Variants in NUP93 observed in about 807,000 individuals in gnomAD.
The protein encoded by NUP93 is nucleoporin 93.
Under a neutral mutation model 107.8 loss-of-function variants are expected in NUP93, and 55 were observed. The ratio of observed to expected loss-of-function variants is 0.51; its 90% CI spans 0.41 to 0.64. NUP93 has a LOEUF of 0.64. NUP93 is among the 30% of genes least tolerant of loss of function. The probability of loss-of-function intolerance (pLI) is 0.00; values close to 1 mark genes in which losing one functional copy is unlikely to be tolerated. For synonymous variants in NUP93, 390 were observed against 397.5 expected (o/e 0.98, Z 0.22); for missense variants, 937 against 1,044.7 (o/e 0.90, Z 1.42).
At position 56,833,263 on chromosome 16, in the gene NUP93, T is replaced by C; in HGVS notation, c.1394T>C (p.Val465Ala). ...CAGCAACCCTTCCTCTACTTCCAAG[T>C]CCTGTTCCTGACAGCGCAGTTTGAA... is the stretch of plus-strand genomic sequence containing the variant. Reference protein sequence around the residue: ...VNQQPFLYFQVLFLTAQFEAA... With the variant: ...VNQQPFLYFQALFLTAQFEAA... The change falls in exon 13 of 22, where the codon GTC becomes GCC. Residue 465 changes from valine (V) to alanine (A), a missense_variant. By Grantham distance (64) the Val-to-Ala change is moderately conservative. Transcript: ENST00000308159. 1 of 1,607,068 alleles carries C rather than the reference T, an allele frequency of 6.2e-7. No homozygotes were observed. The highest frequency in any genetic ancestry group is 2.3e-5 in the East Asian group (1 of 44,414).
rs888648922 is a variant in NUP93 at position 56,850,259 on chromosome 16, C to G, written c.*5650C>G. The G allele has an allele frequency of 1.3e-5, 2 of 152,278 alleles. No homozygotes were observed. The highest frequency in any genetic ancestry group is 4.8e-5 in the African/African-American group (2 of 41,454). The allele number at this position is 152,278 out of a possible 1,614,324, so 9.4% of individuals were successfully genotyped here. A position where few individuals can be genotyped will look rare whatever the true frequency, so the allele number is the denominator to read the frequency against. On this transcript the variant is annotated 3_prime_UTR_variant, in exon 22 of 22. Coordinates refer to ENST00000308159, the MANE Select transcript of NUP93 (RefSeq NM_014669.5). The stretch of plus-strand genomic sequence containing the variant: ...ATGGTTCCTTCACCACTATCCCTGT[C>G]TGTAGCCAGTAAATTTCTGGAATAT...
intron 3 of NUP93, among the ~76,000 whole-genome samples, chr16:56,788,134 C>G (rs764589738): frequency 1.9e-4 from 29 of 152,188 alleles, no homozygotes; most frequent in Non-Finnish European, 3.4e-4. Flanking sequence ...CTGGGGTTAC[C>G]TCAGCAGTCT....
At chr16:56,810,557 A>G (rs1963290682) in intron 5 of NUP93, among the ~76,000 whole-genome samples, 1 of 152,158 alleles carries the variant, frequency 6.6e-6, no homozygotes, top group Non-Finnish European at 1.5e-5. Flanking sequence ...GCTTGTGCCC[A>G]GAAGGTTGGG....
intron 12 of NUP93, 85 bp downstream of exon 12, chr16:56,832,473 C>T: frequency 9.7e-7 from 1 of 1,034,914 alleles, no homozygotes; most frequent in South Asian, 1.3e-5. Flanking sequence ...AATTTTTCAT[C>T]TCTGAACTTT....
At chr16:56,768,684 G>A (rs1228668785) in intron 3 of NUP93, among the ~76,000 whole-genome samples, 24 of 151,022 alleles carry the variant, frequency 1.6e-4, no homozygotes, top group Non-Finnish European at 3.1e-4. Context: ...GGCTAACACG[G>A]TGAAACCCTG....
intron 3 of NUP93, among the ~76,000 whole-genome samples, chr16:56,773,228 C>G (rs917265409): frequency 1.3e-5 from 2 of 152,204 alleles, no homozygotes; most frequent in Non-Finnish European, 2.9e-5. Flanking sequence ...GAAAAGAAGA[C>G]ATTTGGTTGC....
rs762996236 is a variant in NUP93 at position 56,837,716 on chromosome 16, A to G, written c.2008A>G (p.Ile670Val). ...KERLKNMALS[I>V]AERYRAQGIS... ...GAGGCTGAAGAACATGGCACTCTCC[A>G]TTGCCGAACGGTAAGCCAGGAGCTG... The change falls in exon 18 of 22, where the codon ATT becomes GTT. Residue 670 changes from isoleucine (I) to valine (V), a missense_variant. Ile to Val is a conservative substitution (Grantham distance 29). Coordinates refer to ENST00000308159, the MANE Select transcript of NUP93 (RefSeq NM_014669.5). The G allele has an allele frequency of 2.5e-6, 4 of 1,613,374 alleles. No individual in the cohort carries two copies. The highest frequency in any genetic ancestry group is 2.2e-5 in the South Asian group (2 of 91,032).
chr16:56,837,300 C>T (rs1246434070), intron 17 of NUP93, among the ~76,000 whole-genome samples: 1 of 152,222 alleles, frequency 6.6e-6, no homozygotes, highest in Non-Finnish European at 1.5e-5. Flanking sequence ...CAGGGGCTCA[C>T]GCCTGTAATC....
intron 8 of NUP93, among the ~76,000 whole-genome samples, chr16:56,826,139 A>G (rs960566829): frequency 3.3e-5 from 5 of 152,214 alleles, no homozygotes; most frequent in Admixed American, 6.5e-5. Context: ...TCTTAATTCA[A>G]ATTGGAAGAG....
chr16:56,823,039 A>T (rs1963580969), intron 7 of NUP93, among the ~76,000 whole-genome samples: 1 of 152,200 alleles, frequency 6.6e-6, no homozygotes, highest in Admixed American at 6.5e-5. Flanking sequence ...GGTTCAGGGA[A>T]CACGTTGTTT....
intron 4 of NUP93, among the ~76,000 whole-genome samples, chr16:56,800,137 C>T (rs1309586804): frequency 2.6e-5 from 4 of 152,126 alleles, no homozygotes; most frequent in Non-Finnish European, 5.9e-5. Context: ...GAGCTGAGAT[C>T]GTGCCACTGC....
intron 10 of NUP93, 98 bp downstream of exon 10, chr16:56,830,783 C>A: frequency 8.7e-7 from 1 of 1,153,690 alleles, no homozygotes; most frequent in Non-Finnish European, 1.2e-6. Flanking sequence ...GGGCCCAAAA[C>A]AAGTTTCTGC....
At chr16:56,824,221 C>G (rs1963610732) in intron 8 of NUP93, among the ~76,000 whole-genome samples, 1 of 152,158 alleles carries the variant, frequency 6.6e-6, no homozygotes, top group Admixed American at 6.5e-5. Context: ...ATTTTACTCC[C>G]AGGCATGTTA....
Position 56,831,948 on chromosome 16 carries a change from G to C in NUP93, c.1192G>C (p.Asp398His). ...RAVYCIIGRC[D>H]VTDNQSEVAD... is the part of the protein sequence containing the mutation. Reference sequence around the variant, plus strand: ...CGTGTACTGTATCATTGGCAGATGTGACGTCACCGACAACCAGAGTGAAGT... The same window carrying C: ...CGTGTACTGTATCATTGGCAGATGTCACGTCACCGACAACCAGAGTGAAGT... The change falls in exon 11 of 22, where the codon GAC (aspartate) becomes CAC (histidine). Residue 398 changes from aspartate to histidine, a missense_variant. Physicochemically the swap from Asp to His is moderately conservative, Grantham distance 81. Coordinates refer to ENST00000308159, the MANE Select transcript of NUP93 (RefSeq NM_014669.5). 1 of 1,614,136 alleles carries C rather than the reference G, an allele frequency of 6.2e-7. No individual in the cohort carries two copies. The highest frequency in any genetic ancestry group is 8.5e-7 in the Non-Finnish European group (1 of 1,180,022).
At position 56,848,300 on chromosome 16, in the gene NUP93, C is replaced by G. The variant is rs1964138510; in HGVS notation, c.*3691C>G. On this transcript the variant is annotated 3_prime_UTR_variant, in exon 22 of 22. Transcript: ENST00000308159. ...CACTGACTGCGAACTCTCCCTTAGC[C>G]TCAGTCAGCTGGGAAAGGAATTGAG... is the stretch of plus-strand genomic sequence containing the variant. 1.3e-5 allele frequency: 2 copies of G among 152,218 alleles called. No homozygotes were observed. 9.4% of individuals were successfully genotyped at this position (152,218 alleles called of 1,614,324 possible).
rs548362469 is a variant in NUP93 at position 56,760,668 on chromosome 16, G to C, written c.297+2013G>C. Reference sequence around the variant, plus strand: ...GAGGATGGTATTAAACCATTCATGAGAAATCTGCTCTCATGATCCAGTCAC... The same window carrying C: ...GAGGATGGTATTAAACCATTCATGACAAATCTGCTCTCATGATCCAGTCAC... On this transcript the variant is annotated intron_variant, in intron 3 of 21. Coordinates refer to ENST00000308159, the MANE Select transcript of NUP93 (RefSeq NM_014669.5). 4.3e-4 allele frequency among the ~76,000 whole-genome samples: 66 copies of C among 152,276 alleles called. 2 individuals carry two copies. The South Asian group carries it at 0.013, about 31-fold the overall frequency.
chr16:56,783,208 GT>G (rs1359995184), intron 3 of NUP93, among the ~76,000 whole-genome samples: 1 of 152,214 alleles, frequency 6.6e-6, no homozygotes, highest in Non-Finnish European at 1.5e-5. Context: ...GACCTGTGGG[GT>G]CTGGACCTCT....
intron 3 of NUP93, chr16:56,783,257 G>A (rs1177704927): frequency 6.5e-6 from 1 of 153,492 alleles, no homozygotes; most frequent in Non-Finnish European, 1.4e-5. Flanking sequence ...CACCCTAGTT[G>A]AGGGGTTTAT....
intron 4 of NUP93, among the ~76,000 whole-genome samples, chr16:56,802,111 C>T (rs1490550232): frequency 1.3e-5 from 2 of 152,186 alleles, no homozygotes; most frequent in Non-Finnish European, 2.9e-5. Context: ...AGCGTATCAA[C>T]CTCCCCCTGC....
Sources: allele counts gnomAD v4.1 joint callset (sites outside exome capture counted in the v4.1 genomes callset), GRCh38; gene constraint gnomAD v4.1.1; transcripts MANE v1.5; gene names NCBI Gene and HGNC (gene_info 2026-07-23, HGNC 2026-07-21).